ZNF385D: variants seen among roughly 807,000 people sequenced by gnomAD.
ZNF385D encodes zinc finger protein 385D, also known as zinc finger protein 659.
ZNF385D carries 15 observed loss-of-function variants against 35.8 expected under a neutral mutation model. The ratio of observed to expected loss-of-function variants is 0.42; its 90% CI spans 0.28 to 0.64. The LOEUF is 0.64. Ranked by LOEUF, ZNF385D falls within the 30% of genes least tolerant of loss-of-function variation. The pLI is 0.23. For synonymous variants in ZNF385D, 212 were observed against 186.8 expected (o/e 1.13, Z -1.10); for missense variants, 474 against 494.6 (o/e 0.96, Z 0.39).
chr3:21,819,055 G>A, intron 3 of ZNF385D, among the ~76,000 whole-genome samples: 1 of 152,012 alleles, frequency 6.6e-6, no homozygotes, highest in South Asian at 2.1e-4. Context: ...GTTATTAACA[G>A]GGCCTTGTAA....
intron 2 of ZNF385D, among the ~76,000 whole-genome samples, chr3:21,601,585 C>T (rs1157513324): frequency 6.6e-6 from 1 of 152,136 alleles, no homozygotes; most frequent in African/African-American, 2.4e-5. Context: ...TATAAGGTTG[C>T]TAGAAGTGAA....
intron 2 of ZNF385D, among the ~76,000 whole-genome samples, chr3:22,196,819 C>T (rs1696454110): frequency 6.6e-6 from 1 of 151,982 alleles, no homozygotes; most frequent in Non-Finnish European, 1.5e-5. Context: ...TAGTTCCTTA[C>T]TGTACTAACC....
chr3:21,881,405 A>G (rs889984125), intron 3 of ZNF385D, among the ~76,000 whole-genome samples: 1 of 151,954 alleles, frequency 6.6e-6, no homozygotes, highest in African/African-American at 2.4e-5. Flanking sequence ...CTATAAATGA[A>G]ACAACAAAGC....
intron 2 of ZNF385D, among the ~76,000 whole-genome samples, chr3:21,632,119 G>A (rs1242085476): frequency 6.6e-6 from 1 of 152,100 alleles, no homozygotes; most frequent in East Asian, 1.9e-4. Flanking sequence ...TACTGTCACA[G>A]AGATAATATT....
At chr3:22,177,377 T>C (rs1003509514) in intron 2 of ZNF385D, among the ~76,000 whole-genome samples, 1 of 152,182 alleles carries the variant, frequency 6.6e-6, no homozygotes, top group Non-Finnish European at 1.5e-5. Context: ...ATTGTTCTTA[T>C]GTATATCTGG....
chr3:21,494,233 C>T (rs1243921428), intron 4 of ZNF385D, among the ~76,000 whole-genome samples: 1 of 152,104 alleles, frequency 6.6e-6, no homozygotes, highest in Non-Finnish European at 1.5e-5. Flanking sequence ...AGACTTGGTC[C>T]TTGACCTTAT....
chr3:22,141,381 G>C (rs774502442), intron 3 of ZNF385D, among the ~76,000 whole-genome samples: 1 of 152,080 alleles, frequency 6.6e-6, no homozygotes, highest in Non-Finnish European at 1.5e-5. Context: ...AACTTCATTT[G>C]AAATGTACAC....
intron 2 of ZNF385D, among the ~76,000 whole-genome samples, chr3:22,192,904 T>A (rs1696155081): frequency 1.3e-5 from 2 of 152,134 alleles, no homozygotes; most frequent in Admixed American, 6.6e-5. Flanking sequence ...AAGTTGCCAT[T>A]ATTATGATCA....
chr3:21,864,989 G>GGTTTT (rs1697261124), intron 3 of ZNF385D, among the ~76,000 whole-genome samples: 8 of 16,650 alleles, frequency 4.8e-4, no homozygotes, highest in African/African-American at 1.6e-3. Context: ...TTGGAACAAT[G>GGTTTT]CTTTTTTTTT....
chr3:21,821,753 G>A (rs1370343365), intron 3 of ZNF385D, among the ~76,000 whole-genome samples: 1 of 151,982 alleles, frequency 6.6e-6, no homozygotes, highest in Admixed American at 6.6e-5. Context: ...GTCAGCTCAG[G>A]AGTTCGAGAC....
intron 3 of ZNF385D, among the ~76,000 whole-genome samples, chr3:21,543,844 A>T (rs192083431): frequency 6.6e-6 from 1 of 152,098 alleles, no homozygotes; most frequent in East Asian, 1.9e-4. Context: ...TGAAGCCTCC[A>T]TGTTGTTTTA....
At chr3:22,182,428 G>A (rs1344468121) in intron 2 of ZNF385D, among the ~76,000 whole-genome samples, 1 of 152,062 alleles carries the variant, frequency 6.6e-6, no homozygotes, top group African/African-American at 2.4e-5. Context: ...TTGATCACCT[G>A]ATGCACATCC....
chr3:22,116,629 C>G (rs1286347327), intron 3 of ZNF385D, among the ~76,000 whole-genome samples: 1 of 152,044 alleles, frequency 6.6e-6, no homozygotes, highest in Non-Finnish European at 1.5e-5. Flanking sequence ...TGTAAGCTTT[C>G]TAACAACTAA....
intron 7 of ZNF385D, 23 bp from the exon 8 acceptor site, chr3:21,421,470 T>TA (rs556472927): frequency 9.4e-5 from 147 of 1,566,692 alleles, no homozygotes; most frequent in African/African-American, 2.9e-4. Flanking sequence ...AAAAATATTG[T>TA]AAAAAAAACA....
At chr3:21,688,175 A>G (rs1382536610) in intron 1 of ZNF385D, among the ~76,000 whole-genome samples, 1 of 152,002 alleles carries the variant, frequency 6.6e-6, no homozygotes, top group African/African-American at 2.4e-5. Flanking sequence ...ATTTGAGGGG[A>G]ACAAACACAT....
At chr3:21,963,394 C>G (rs1237057437) in intron 3 of ZNF385D, among the ~76,000 whole-genome samples, 1 of 152,134 alleles carries the variant, frequency 6.6e-6, no homozygotes, top group African/African-American at 2.4e-5. Context: ...CAGTAGCGTG[C>G]AGAAATGTAG....
At position 21,593,827 on chromosome 3, in the gene ZNF385D, A is replaced by T. The variant is rs530720996; in HGVS notation, c.166-29143T>A. Among the ~76,000 whole-genome samples, 579 of 132,840 alleles carry T rather than the reference A, an allele frequency of 4.4e-3. 7 individuals carry two copies. Among genetic ancestry groups the T allele is most frequent in the African/African-American group, 0.016 (531 of 32,350 alleles). 87.1% of individuals were successfully genotyped at this position (132,840 alleles called of 152,430 possible). ...CCTAAGAAACTGTTGAAAAATAAGAAAAAAGAGGTTCTTGGGGAGGCAAAA... is the reference window on the plus strand; with the variant it reads ...CCTAAGAAACTGTTGAAAAATAAGATAAAAGAGGTTCTTGGGGAGGCAAAA... On this transcript the variant is annotated intron_variant, in intron 2 of 7. Transcript: ENST00000281523.
chr3:21,504,842 A>G (rs1654723304), intron 4 of ZNF385D, among the ~76,000 whole-genome samples: 1 of 152,144 alleles, frequency 6.6e-6, no homozygotes, highest in African/African-American at 2.4e-5. Context: ...TACATTAAAG[A>G]TTTCTGAATG....
chr3:22,177,413 T>C (rs1179757810), intron 2 of ZNF385D, among the ~76,000 whole-genome samples: 1 of 152,114 alleles, frequency 6.6e-6, no homozygotes, highest in African/African-American at 2.4e-5. Flanking sequence ...AGAAAAAAAG[T>C]AGGCACCCTA....
Sources: gnomAD v4.1 joint callset for allele counts (sites outside exome capture counted in the v4.1 genomes callset) on GRCh38, gnomAD v4.1.1 for gene constraint, MANE v1.5 for transcripts, NCBI Gene and HGNC (gene_info 2026-07-23, HGNC 2026-07-21) for gene names.